Variants in RANBP2 observed in about 807,000 individuals in gnomAD.
RANBP2 encodes RAN binding protein 2.
A neutral mutation model predicts 303.6 loss-of-function variants in RANBP2; 57 were observed. The ratio of observed to expected loss-of-function variants is 0.19; its 90% CI spans 0.15 to 0.23. The LOEUF (loss-of-function observed/expected upper bound fraction) is 0.23. RANBP2 is among the 10% of genes least tolerant of loss of function. The pLI, the probability that RANBP2 is intolerant of heterozygous loss-of-function variation, is 1.00. For missense variants in RANBP2, 3,138 were observed against 3,780.8 expected, an observed-to-expected ratio of 0.83 and a Z score of 4.46; for synonymous variants, 1,167 against 1,301.5, an observed-to-expected ratio of 0.90 and a Z score of 2.23.
the RANBP2 span, among the ~76,000 whole-genome samples, chr2:109,088,765 G>A: frequency 6.6e-6 from 1 of 152,182 alleles, no homozygotes; most frequent in African/African-American, 2.4e-5. Context: ...ACCCGCCTTG[G>A]CCTCCCAAAG....
At chr2:109,567,987 T>A in the RANBP2 span, 2 of 1,559,600 alleles carry the variant, frequency 1.3e-6, no homozygotes, top group Admixed American at 2.0e-5. Flanking sequence ...CTATTAAGAA[T>A]AAAGAAAAAC....
chr2:109,732,685 G>A, the RANBP2 span: 169 of 578,394 alleles, frequency 2.9e-4, no homozygotes, highest in Non-Finnish European at 4.9e-4. Context: ...GGCCAGGCTG[G>A]TCTTGAACTC....
chr2:109,254,795 C>T, the RANBP2 span, among the ~76,000 whole-genome samples: 3 of 152,214 alleles, frequency 2.0e-5, no homozygotes, highest in East Asian at 1.9e-4. Flanking sequence ...TCCAGTTAAG[C>T]CAACAGATGG....
Position 108,729,121 on chromosome 2 carries a change from AT to A in RANBP2, c.73-3del, listed in dbSNP as rs754430705. On this transcript the variant is annotated splice_polypyrimidine_tract_variant and intron_variant, in intron 1 of 28. Transcript: ENST00000283195. ...TGTATGAAAAGTAAAACAACTTTTA[AT>A]TTTTTTTAGAAGTCAATGAAAGGAT... 2.8e-5 allele frequency: 44 copies of A among 1,569,070 alleles called. No individual in the cohort carries two copies. Among genetic ancestry groups the A allele is most frequent in the Middle Eastern group, 2.3e-4 (1 of 4,284 alleles).
the RANBP2 span, chr2:109,613,178 A>T: frequency 7.8e-7 from 1 of 1,288,684 alleles, no homozygotes; most frequent in African/African-American, 1.5e-5. Context: ...TTGTAACCAC[A>T]CTTGGAAAAC....
At chr2:109,477,799 G>A in the RANBP2 span, among the ~76,000 whole-genome samples, 1 of 152,214 alleles carries the variant, frequency 6.6e-6, no homozygotes, top group Non-Finnish European at 1.5e-5. Flanking sequence ...AATAGGGCAA[G>A]GGAGCTCTCA....
chr2:109,191,473 T>C, the RANBP2 span, among the ~76,000 whole-genome samples: 10 of 152,320 alleles, frequency 6.6e-5, no homozygotes, highest in East Asian at 1.9e-3. Flanking sequence ...GGCTGTATTG[T>C]TGAGTGATTC....
the RANBP2 span, among the ~76,000 whole-genome samples, chr2:109,473,172 G>C: frequency 6.6e-6 from 1 of 152,174 alleles, no homozygotes; most frequent in African/African-American, 2.4e-5. Context: ...CTCTGTGATG[G>C]ATTTTCCCAG....
chr2:108,794,457 C>T, the RANBP2 span: 4 of 1,194,934 alleles, frequency 3.3e-6, no homozygotes, highest in Non-Finnish European at 2.3e-6. Context: ...GTACTTAAAG[C>T]ATCTCTTCCT....
At chr2:108,921,133 G>A in the RANBP2 span, among the ~76,000 whole-genome samples, 6 of 152,180 alleles carry the variant, frequency 3.9e-5, no homozygotes, top group African/African-American at 1.4e-4. Flanking sequence ...CAGAGGTGCA[G>A]AGAAGCTGCC....
chr2:109,541,332 TATTC>T, the RANBP2 span, among the ~76,000 whole-genome samples: 1 of 152,248 alleles, frequency 6.6e-6, no homozygotes, highest in Non-Finnish European at 1.5e-5. Context: ...TTATATGGGC[TATTC>T]ATTTGGATTT....
the RANBP2 span, among the ~76,000 whole-genome samples, chr2:109,369,730 G>A: frequency 6.6e-6 from 1 of 152,122 alleles, no homozygotes; most frequent in Non-Finnish European, 1.5e-5. Flanking sequence ...ATCCCACATG[G>A]GCTGTCCAGC....
chr2:109,534,577 C>T, the RANBP2 span, among the ~76,000 whole-genome samples: 1 of 152,006 alleles, frequency 6.6e-6, no homozygotes, highest in Non-Finnish European at 1.5e-5. Context: ...GTTAGGAGTT[C>T]GAGACCAGCC....
At chr2:108,846,809 T>A in the RANBP2 span, 1 of 1,612,598 alleles carries the variant, frequency 6.2e-7, no homozygotes, top group Non-Finnish European at 8.5e-7. Flanking sequence ...CTAAAGGAAT[T>A]CAGGATAATT....
the RANBP2 span, among the ~76,000 whole-genome samples, chr2:109,562,990 A>G: frequency 6.6e-6 from 1 of 151,782 alleles, no homozygotes; most frequent in Non-Finnish European, 1.5e-5. Flanking sequence ...AGCTCACTGT[A>G]AACTCTGCCT....
the RANBP2 span, among the ~76,000 whole-genome samples, chr2:108,986,790 A>G: frequency 1.3e-5 from 2 of 152,234 alleles, no homozygotes; most frequent in Non-Finnish European, 2.9e-5. Flanking sequence ...CTTAAAAAAA[A>G]TTCCTTCCTG....
the RANBP2 span, among the ~76,000 whole-genome samples, chr2:109,707,360 G>C: frequency 6.6e-6 from 1 of 152,108 alleles, no homozygotes; most frequent in African/African-American, 2.4e-5. Flanking sequence ...ACTTAGATTT[G>C]ACATAGCACC....
At chr2:109,181,144 C>G in the RANBP2 span, among the ~76,000 whole-genome samples, 2 of 152,174 alleles carry the variant, frequency 1.3e-5, no homozygotes, top group Non-Finnish European at 2.9e-5. Context: ...TCCAGCTCGT[C>G]TGTGTTTGGT....
chr2:109,724,883 G>T, the RANBP2 span, among the ~76,000 whole-genome samples: 2 of 152,162 alleles, frequency 1.3e-5, no homozygotes, highest in African/African-American at 4.8e-5. Context: ...AGGGGCAGTC[G>T]GGTCTGGGCA....
Sources: gnomAD v4.1 joint callset for allele counts (sites outside exome capture counted in the v4.1 genomes callset) on GRCh38, gnomAD v4.1.1 for gene constraint, MANE v1.5 for transcripts, NCBI Gene and HGNC (gene_info 2026-07-23, HGNC 2026-07-21) for gene names.